GNA11: variants seen among roughly 807,000 people sequenced by gnomAD.
GNA11 encodes the protein G protein subunit alpha 11, also known as guanine nucleotide-binding protein subunit alpha-11.
In GNA11, 8 loss-of-function variants were observed where a neutral mutation model predicts 38.2. The observed-to-expected ratio is 0.21, with a 90% confidence interval of 0.12 to 0.38. The LOEUF (loss-of-function observed/expected upper bound fraction) is 0.38, where lower values mean the gene tolerates loss of function less well. Ranked by LOEUF, GNA11 falls within the 10% of genes least tolerant of loss-of-function variation. The pLI, the probability that GNA11 is intolerant of heterozygous loss-of-function variation, is 1.00. For synonymous variants in GNA11, 211 were observed against 221.4 expected (o/e 0.95, Z 0.42); for missense variants, 268 against 516.3 (o/e 0.52, Z 4.66).
intron 1 of GNA11, among the ~76,000 whole-genome samples, chr19:3,095,473 A>AGCCCTGTACACTCCATGCAG (rs545166628): frequency 6.6e-6 from 1 of 151,616 alleles, no homozygotes; most frequent in Non-Finnish European, 1.5e-5. Context: ...CTCCAGGCAG[A>AGCCCTGTACACTCCATGCAG]GCCCTGTACA....
Position 3,108,495 on chromosome 19 carries a change from T to G in GNA11, c.137-1654T>G, listed in dbSNP as rs1473533227. 2.0e-5 allele frequency among the ~76,000 whole-genome samples: 3 copies of G among 148,046 alleles called. No individual in the cohort carries two copies. Among genetic ancestry groups the G allele is most frequent in the Admixed American group, 6.8e-5 (1 of 14,766 alleles). On this transcript the variant is annotated intron_variant, in intron 1 of 6. Transcript: ENST00000078429. The surrounding 1 kb of genome is among the most constrained non-coding windows in gnomAD (Gnocchi z 4.5). Reference sequence around the variant, plus strand: ...TGGAAGTGGGGAGGTGCCGGAAGATTCAGAGACACAGGGTGGTGAAGGCGA... The same window carrying G: ...TGGAAGTGGGGAGGTGCCGGAAGATGCAGAGACACAGGGTGGTGAAGGCGA...
rs778378225 is a variant in GNA11, at chr19:3,113,359, C to T, written c.351C>T (p.Asp117=). ...ATGCGCTCCTGATCCGGGAGGTGGA[C>T]GTGGAGAAGGTGACCACCTTCGAGC... ...KANALLIREV[D]VEKVTTFEHQ... The change falls in exon 3 of 7, where the codon GAC becomes GAT. Residue 117 remains aspartate (D), a synonymous_variant. Transcript: ENST00000078429. 5 of 1,613,364 alleles carry T rather than the reference C, an allele frequency of 3.1e-6. No individual in the cohort carries two copies. The highest frequency in any genetic ancestry group is 3.3e-5 in the Admixed American group (2 of 60,020).
Position 3,110,497 on chromosome 19 carries a change from C to T in GNA11, c.321+164C>T, listed in dbSNP as rs960279983. Among the ~76,000 whole-genome samples the T allele has an allele frequency of 9.2e-5, 14 of 152,308 alleles. No homozygotes were observed. Among genetic ancestry groups the T allele is most frequent in the Admixed American group, 5.9e-4 (9 of 15,308 alleles). ...CTGTCATGGACATGGAAACAGCAAC[C>T]GCTGACTTCCTGGGGGCCAACTGGA... On this transcript the variant is annotated intron_variant, in intron 2 of 6. Coordinates refer to ENST00000078429, the MANE Select transcript of GNA11 (RefSeq NM_002067.5). The surrounding 1 kb of genome is among the most constrained non-coding windows in gnomAD (Gnocchi z 5.4).
intron 1 of GNA11, among the ~76,000 whole-genome samples, chr19:3,096,181 CCCGGGTT>C (rs1913359633): frequency 6.6e-6 from 1 of 152,280 alleles, no homozygotes; most frequent in South Asian, 2.1e-4. Flanking sequence ...CCCTCCGTGT[CCCGGGTT>C]ACAGAGGTGC....
rs538224533 is a variant in GNA11, at chr19:3,099,076, G to A, written c.136+4289G>A. Among the ~76,000 whole-genome samples, 4 of 152,320 alleles carry A rather than the reference G, an allele frequency of 2.6e-5. No homozygotes were observed. In the South Asian group the frequency reaches 8.3e-4, roughly 32 times the overall value. Reference sequence around the variant, plus strand: ...TTTCCTCCGAGATTTAACCACGAGAGGTTTCACTTTCTGAGTCTTGTGGTG... The same window carrying A: ...TTTCCTCCGAGATTTAACCACGAGAAGTTTCACTTTCTGAGTCTTGTGGTG... On this transcript the variant is annotated intron_variant, in intron 1 of 6. Transcript: ENST00000078429.
At chr19:3,113,581 CTGCCTGCTCGCCGGG>C in intron 3 of GNA11, 97 bp downstream of exon 3, 1 of 928,668 alleles carries the variant, frequency 1.1e-6, no homozygotes, top group Non-Finnish European at 1.6e-6. Context: ...GTGGTGCCCC[CTGCCTGCTCGCCGGG>C]GGCAGGGATG....
rs1473969348 is a variant in GNA11 at position 3,122,074 on chromosome 19, C to T, written c.*895C>T. On this transcript the variant is annotated 3_prime_UTR_variant, in exon 7 of 7. Coordinates refer to ENST00000078429, the MANE Select transcript of GNA11 (RefSeq NM_002067.5). The surrounding 1 kb of genome is among the most constrained non-coding windows in gnomAD (Gnocchi z 7.7). ...CCACCCTGCCCTGGCTAGAGCGCACCCCACCGGAGCCCACGTGGGCTGGGC... is the reference window on the plus strand; with the variant it reads ...CCACCCTGCCCTGGCTAGAGCGCACTCCACCGGAGCCCACGTGGGCTGGGC... 1 of 233,074 alleles carries T rather than the reference C, an allele frequency of 4.3e-6. No individual in the cohort carries two copies. The highest frequency in any genetic ancestry group is 8.5e-6 in the Non-Finnish European group (1 of 117,794). 14.4% of individuals were successfully genotyped at this position (233,074 alleles called of 1,614,324 possible). A position where few individuals can be genotyped will look rare whatever the true frequency, so the allele number is the denominator to read the frequency against.
chr19:3,113,571 G>GT (rs1913834777), intron 3 of GNA11, 87 bp downstream of exon 3: 2 of 1,042,126 alleles, frequency 1.9e-6, no homozygotes, highest in East Asian at 5.5e-5. Context: ...CGCGGCGTCT[G>GT]TGGTGCCCCC....
chr19:3,112,483 A>T (rs1913798141), intron 2 of GNA11, among the ~76,000 whole-genome samples: 1 of 152,158 alleles, frequency 6.6e-6, no homozygotes, highest in East Asian at 1.9e-4. Context: ...GTGGCTGGTC[A>T]TGTCGGCCTG....
At position 3,121,589 on chromosome 19, in the gene GNA11, G is replaced by A. The variant is rs552606088; in HGVS notation, c.*410G>A. ...GGGGCCCCGCCCTGCAGCCAGTCAC[G>A]CGCCCCCACACCGCAGCCCCCCGTG... On this transcript the variant is annotated 3_prime_UTR_variant, in exon 7 of 7. Transcript: ENST00000078429. 4.7e-5 allele frequency: 11 copies of A among 234,240 alleles called. No individual in the cohort carries two copies. The highest frequency in any genetic ancestry group is 1.7e-4 in the Admixed American group (3 of 17,848). 14.5% of individuals were successfully genotyped at this position (234,240 alleles called of 1,614,324 possible). A position where few individuals can be genotyped will look rare whatever the true frequency, so the allele number is the denominator to read the frequency against.
intron 1 of GNA11, among the ~76,000 whole-genome samples, chr19:3,096,776 C>T (rs1178396324): frequency 6.7e-6 from 1 of 149,992 alleles, no homozygotes; most frequent in Non-Finnish European, 1.5e-5. Context: ...TGCTGTCAGG[C>T]TCAGGGCCAG....
rs927455262 is a variant in GNA11, at chr19:3,122,233, C to G, written c.*1054C>G. The G allele has an allele frequency of 5.6e-5, 13 of 232,564 alleles. No individual in the cohort carries two copies. The highest frequency in any genetic ancestry group is 2.6e-5 in the Non-Finnish European group (3 of 117,448). 14.4% of individuals were successfully genotyped at this position (232,564 alleles called of 1,614,324 possible). A position where few individuals can be genotyped will look rare whatever the true frequency, so the allele number is the denominator to read the frequency against. On this transcript the variant is annotated 3_prime_UTR_variant, in exon 7 of 7. Transcript: ENST00000078429. This position sits in a 1 kb window ranked among gnomAD's most constrained non-coding sequence, Gnocchi z 7.7. ...GGTGGGGACTTTTACAGAATATTCT[C>G]AGGTGTGTACCCGAGAGGCAGAGAG...
Position 3,096,431 on chromosome 19 carries a change from T to C in GNA11, c.136+1644T>C, listed in dbSNP as rs1207640746. Among the ~76,000 whole-genome samples, 3 of 152,162 alleles carry C rather than the reference T, an allele frequency of 2.0e-5. No homozygotes were observed. In the East Asian group the frequency reaches 5.8e-4, roughly 29 times the overall value. The stretch of plus-strand genomic sequence containing the variant: ...TGGATGGAGGGGAGTTAGGAATTAC[T>C]GGTGTCATAAAGATCTTACCAGATG... On this transcript the variant is annotated intron_variant, in intron 1 of 6. Transcript: ENST00000078429.
chr19:3,116,311 G>C (rs1179650382), intron 4 of GNA11, among the ~76,000 whole-genome samples: 1 of 152,170 alleles, frequency 6.6e-6, no homozygotes, highest in Non-Finnish European at 1.5e-5. Context: ...GCTGGTGTCG[G>C]GCGTGAGACT....
Position 3,110,420 on chromosome 19 carries a change from C to T in GNA11, c.321+87C>T. 1 of 1,127,736 alleles carries T rather than the reference C, an allele frequency of 8.9e-7. No homozygotes were observed. The highest frequency in any genetic ancestry group is 1.4e-5 in the South Asian group (1 of 69,634). The allele number at this position is 1,127,736 out of a possible 1,614,324, so 69.9% of individuals were successfully genotyped here. On this transcript the variant is annotated intron_variant, in intron 2 of 6. Coordinates refer to ENST00000078429, the MANE Select transcript of GNA11 (RefSeq NM_002067.5). The surrounding 1 kb of genome is among the most constrained non-coding windows in gnomAD (Gnocchi z 5.4). ...TGGTGGCCGCGCTGCCAGGGTGGGG[C>T]CATGCCGGGGGTCCCGGCCGGCCCA...
chr19:3,113,501 C>T lies in GNA11; in HGVS notation c.476+17C>T, dbSNP rs764331741. ...TGCCAAGTAGTAAGTGCGGCCGCAC[C>T]GCTGGCGGCCTGGGGACGGCAGCTG... On this transcript the variant is annotated intron_variant, in intron 3 of 6. Coordinates refer to ENST00000078429, the MANE Select transcript of GNA11 (RefSeq NM_002067.5). The T allele has an allele frequency of 4.3e-5, 67 of 1,544,182 alleles. No individual in the cohort carries two copies. In the East Asian group the frequency reaches 1.1e-3, roughly 24 times the overall value.
At chr19:3,112,559 C>T (rs1913800564) in intron 2 of GNA11, among the ~76,000 whole-genome samples, 1 of 152,228 alleles carries the variant, frequency 6.6e-6, no homozygotes, top group Non-Finnish European at 1.5e-5. Flanking sequence ...CAGTGTCTGC[C>T]CCAAAGGGTG....
chr19:3,095,941 C>T (rs1212089423), intron 1 of GNA11, among the ~76,000 whole-genome samples: 1 of 152,186 alleles, frequency 6.6e-6, no homozygotes, highest in Non-Finnish European at 1.5e-5. Flanking sequence ...CAAATAAGGG[C>T]CCCTTCAGTG....
intron 4 of GNA11, among the ~76,000 whole-genome samples, chr19:3,116,443 G>A (rs1040915913): frequency 4.7e-5 from 7 of 149,858 alleles, no homozygotes; most frequent in Non-Finnish European, 7.5e-5. Flanking sequence ...GCTCCTAGTG[G>A]CGGCCGCATC....
Sources: allele counts gnomAD v4.1 joint callset (sites outside exome capture counted in the v4.1 genomes callset), GRCh38; gene constraint gnomAD v4.1.1; non-coding constraint Gnocchi (gnomAD v3.1); transcripts MANE v1.5; gene names NCBI Gene and HGNC (gene_info 2026-07-23, HGNC 2026-07-21).